Variants in PLAGL1 observed in about 807,000 individuals in gnomAD.
PLAGL1 encodes the protein PLAG1 like zinc finger 1, also known as zinc finger protein PLAGL1.
Under a neutral mutation model 4.6 loss-of-function variants are expected in PLAGL1, and 1 was observed. The ratio of observed to expected loss-of-function variants is 0.22; its 90% CI spans 0.08 to 1.03. PLAGL1 has a LOEUF of 1.03. Ranked by LOEUF, PLAGL1 falls within the 50% of genes least tolerant of loss-of-function variation. PLAGL1 has a pLI of 0.58. For missense variants in PLAGL1, 464 were observed against 570.4 expected (o/e 0.81, Z 1.90); for synonymous variants, 240 against 237.8 (o/e 1.01, Z -0.08).
At chr6:143,976,855 A>G (rs1786665196) in intron 2 of PLAGL1, among the ~76,000 whole-genome samples, 1 of 145,698 alleles carries the variant, frequency 6.9e-6, no homozygotes, top group South Asian at 2.1e-4. Context: ...ATGAGTTATT[A>G]ATTTGAGACC....
rs762244395 is a variant in PLAGL1, at chr6:144,061,318, A to G, written c.-151+3150T>C. Among the ~76,000 whole-genome samples, 1 of 152,160 alleles carries G rather than the reference A, an allele frequency of 6.6e-6. No homozygotes were observed. The highest frequency in any genetic ancestry group is 1.5e-5 in the Non-Finnish European group (1 of 68,018). On this transcript the variant is annotated intron_variant, in intron 1 of 3. Transcript: ENST00000437412. This position sits in a 1 kb window ranked among gnomAD's most constrained non-coding sequence, Gnocchi z 4.4. ...AGCAAGTCAGTCTCTTCCAATTCCA[A>G]TTTCTTTCTACAACTGGAACAGGAC...
Position 143,941,540 on chromosome 6 carries a change from G to A in PLAGL1, c.1276C>T (p.Pro426Ser), listed in dbSNP as rs1778567260. 6.4e-7 allele frequency: 1 copy of A among 1,564,332 alleles called. No homozygotes were observed. Among genetic ancestry groups the A allele is most frequent in the African/African-American group, 1.4e-5 (1 of 73,678 alleles). ...SCLGQQQQEP[P>S]LAMGTVSLGQ... Reference sequence around the variant, plus strand: ...AGGCTCACAGTGCCCATGGCAAGTGGGGGTTCTTGCTGCTGCTGCCCCAGA... The same window carrying A: ...AGGCTCACAGTGCCCATGGCAAGTGAGGGTTCTTGCTGCTGCTGCCCCAGA... Residue 426 changes from proline to serine, a missense_variant, in exon 8 of 8, where the codon CCA becomes TCA. By Grantham distance (74) the Pro-to-Ser change is moderately conservative. Transcript: ENST00000674357. This position sits in a 1 kb window ranked among gnomAD's most constrained non-coding sequence, Gnocchi z 6.0.
intron 1 of PLAGL1, among the ~76,000 whole-genome samples, chr6:144,046,916 C>T (rs1277697227): frequency 6.6e-6 from 1 of 152,202 alleles, no homozygotes; most frequent in Non-Finnish European, 1.5e-5. Context: ...GACACCCCTC[C>T]CCCAGCCAGG....
intron 2 of PLAGL1, among the ~76,000 whole-genome samples, chr6:143,976,026 A>G (rs1786443510): frequency 6.6e-6 from 1 of 152,204 alleles, no homozygotes; most frequent in Non-Finnish European, 1.5e-5. Context: ...TATGTAGCAC[A>G]AGAGAAGACT....
Position 143,984,439 on chromosome 6 carries a change from A to C in PLAGL1, c.-544+696T>G, listed in dbSNP as rs892810464. On this transcript the variant is annotated intron_variant, in intron 2 of 7. Transcript: ENST00000674357. This position sits in a 1 kb window ranked among gnomAD's most constrained non-coding sequence, Gnocchi z 5.5. ...TCAGCTTTTTTCCCAAATTTAAATG[A>C]CCATATGCTCATTTTCCATATAATA... is the stretch of plus-strand genomic sequence containing the variant. 6.6e-6 allele frequency among the ~76,000 whole-genome samples: 1 copy of C among 152,058 alleles called. No individual in the cohort carries two copies. Among genetic ancestry groups the C allele is most frequent in the Non-Finnish European group, 1.5e-5 (1 of 68,014 alleles).
intron 1 of PLAGL1, among the ~76,000 whole-genome samples, chr6:144,030,751 G>A (rs560600766): frequency 1.3e-5 from 2 of 152,282 alleles, no homozygotes; most frequent in East Asian, 1.9e-4. Flanking sequence ...GTTGACTGAT[G>A]GGCATTTGGG....
At position 144,000,396 on chromosome 6, in the gene PLAGL1, TG is replaced by T. The variant is rs1364630340; in HGVS notation, c.-584+7693del. Reference sequence around the variant, plus strand: ...TGTTATTTATGAAGTAGTAACTAGCTGGTTAGAAAATAAGAAACTAAGAGAA... The same window carrying T: ...TGTTATTTATGAAGTAGTAACTAGCTGTTAGAAAATAAGAAACTAAGAGAA... On this transcript the variant is annotated intron_variant, in intron 1 of 7. Transcript: ENST00000674357. The surrounding 1 kb of genome is among the most constrained non-coding windows in gnomAD (Gnocchi z 4.1). 6.6e-6 allele frequency among the ~76,000 whole-genome samples: 1 copy of T among 152,144 alleles called. No homozygotes were observed. The highest frequency in any genetic ancestry group is 6.6e-5 in the Admixed American group (1 of 15,266).
chr6:144,020,274 CTTGTTTGTTTGTTTGT>C (rs111353071), intron 1 of PLAGL1, among the ~76,000 whole-genome samples: 3 of 151,578 alleles, frequency 2.0e-5, no homozygotes, highest in East Asian at 3.9e-4. Context: ...TGGACACTTC[CTTGTTTGTTTGTTTGT>C]TTGTTTGTTT....
At chr6:143,999,843 G>GA (rs1469791402) in intron 1 of PLAGL1, among the ~76,000 whole-genome samples, 21 of 151,850 alleles carry the variant, frequency 1.4e-4, no homozygotes, top group African/African-American at 4.8e-4. Context: ...AAGTAATGAA[G>GA]AAAAAAACGA....
chr6:143,991,416 C>T lies in PLAGL1; in HGVS notation c.-583-6242G>A, dbSNP rs368763755. Among the ~76,000 whole-genome samples the T allele has an allele frequency of 5.3e-4, 80 of 152,282 alleles. 1 individual carries two copies. The South Asian group carries it at 0.016, about 30-fold the overall frequency. Reference sequence around the variant, plus strand: ...AACATGGCACTGGGGGGCCGTGATACTGAATTTTGGTGATTAGGGCATCTT... The same window carrying T: ...AACATGGCACTGGGGGGCCGTGATATTGAATTTTGGTGATTAGGGCATCTT... On this transcript the variant is annotated intron_variant, in intron 1 of 7. Coordinates refer to ENST00000674357, the MANE Select transcript of PLAGL1 (RefSeq NM_001317162.2).
At chr6:143,992,924 G>C (rs1480635461) in intron 1 of PLAGL1, among the ~76,000 whole-genome samples, 1 of 152,036 alleles carries the variant, frequency 6.6e-6, no homozygotes, top group Non-Finnish European at 1.5e-5. Flanking sequence ...GTTGCAGTGA[G>C]CCGAGATCCT....
In PLAGL1 at chr6:144,003,556, G is replaced by A. The variant is rs533431668; in HGVS notation, c.-584+4534C>T. Among the ~76,000 whole-genome samples the A allele has an allele frequency of 1.4e-3, 219 of 151,096 alleles. 1 individual carries two copies. The South Asian group carries it at 0.017, about 11-fold the overall frequency. The stretch of plus-strand genomic sequence containing the variant: ...GGAGAATGGCATGAACCTGGGAGGC[G>A]GAGTTTGCAGTGAGCCGAGGTCGTG... On this transcript the variant is annotated intron_variant, in intron 1 of 7. Coordinates refer to ENST00000674357, the MANE Select transcript of PLAGL1 (RefSeq NM_001317162.2).
rs1782864074 is a variant in PLAGL1, at chr6:143,959,381, T to A, written c.-325+1088A>T. Among the ~76,000 whole-genome samples, 1 of 152,134 alleles carries A rather than the reference T, an allele frequency of 6.6e-6. No homozygotes were observed. Among genetic ancestry groups the A allele is most frequent in the South Asian group, 2.1e-4 (1 of 4,824 alleles). ...TTCCTGGCTAGCACTCCTAGTCTTC[T>A]AATGTCAGGCACACTGTAAACAGAA... is the stretch of plus-strand genomic sequence containing the variant. On this transcript the variant is annotated intron_variant, in intron 6 of 7. Transcript: ENST00000674357. This position sits in a 1 kb window ranked among gnomAD's most constrained non-coding sequence, Gnocchi z 5.3.
Position 144,063,596 on chromosome 6 carries a change from C to A in PLAGL1, c.-151+872G>T, listed in dbSNP as rs1799601558. 6.6e-6 allele frequency among the ~76,000 whole-genome samples: 1 copy of A among 152,234 alleles called. No homozygotes were observed. The highest frequency in any genetic ancestry group is 6.5e-5 in the Admixed American group (1 of 15,290). On this transcript the variant is annotated intron_variant, in intron 1 of 3. Transcript: ENST00000437412. This position sits in a 1 kb window ranked among gnomAD's most constrained non-coding sequence, Gnocchi z 5.7. ...GAGTTCTGTTCTTTCGGTGGCCACA[C>A]AGATGCTCAATGCCACGACCCTTGA...
intron 7 of PLAGL1, among the ~76,000 whole-genome samples, chr6:143,946,252 G>A (rs1426439146): frequency 6.6e-6 from 1 of 152,216 alleles, no homozygotes; most frequent in Non-Finnish European, 1.5e-5. Context: ...TTGTTCAAGG[G>A]TCAACTGTAA....
At chr6:143,956,527 A>G (rs1264033348) in intron 6 of PLAGL1, among the ~76,000 whole-genome samples, 2 of 152,264 alleles carry the variant, frequency 1.3e-5, no homozygotes, top group African/African-American at 4.8e-5. Flanking sequence ...TAGTACAAAC[A>G]AGATCCTAAT....
chr6:144,035,427 A>C (rs555973952), intron 1 of PLAGL1, among the ~76,000 whole-genome samples: 15 of 152,334 alleles, frequency 9.8e-5, no homozygotes, highest in African/African-American at 3.1e-4. Flanking sequence ...CACGGGAGAA[A>C]GATGAAGGCC....
rs550161857 is a variant in PLAGL1 at position 144,034,180 on chromosome 6, G to C, written c.-151+30288C>G. Among the ~76,000 whole-genome samples, 2 of 152,138 alleles carry C rather than the reference G, an allele frequency of 1.3e-5. No individual in the cohort carries two copies. Among genetic ancestry groups the C allele is most frequent in the Non-Finnish European group, 2.9e-5 (2 of 68,026 alleles). ...TGTAAAACCACGTTGTTGGAGGAGG[G>C]GGTGCCCCAGCTTAGCGAACCCCAG... On this transcript the variant is annotated intron_variant, in intron 1 of 3. Transcript: ENST00000437412. The surrounding 1 kb of genome is among the most constrained non-coding windows in gnomAD (Gnocchi z 4.7).
intron 1 of PLAGL1, among the ~76,000 whole-genome samples, chr6:144,023,768 CTTTTTTTTTTT>C (rs34002736): frequency 1.4e-5 from 1 of 72,638 alleles, no homozygotes; most frequent in African/African-American, 5.5e-5. Context: ...TCATATTTAG[CTTTTTTTTTTT>C]TTTTTTTTTT....
Sources: gnomAD v4.1 joint callset for allele counts (sites outside exome capture counted in the v4.1 genomes callset) on GRCh38, gnomAD v4.1.1 for gene constraint, Gnocchi (gnomAD v3.1) non-coding constraint, MANE v1.5 for transcripts, NCBI Gene and HGNC (gene_info 2026-07-23, HGNC 2026-07-21) for gene names.